TRDN: variants seen among roughly 807,000 people sequenced by gnomAD.
TRDN encodes the protein triadin.
A neutral mutation model predicts 149.7 loss-of-function variants in TRDN; 161 were observed. That is an observed-to-expected ratio of 1.08 (90% confidence interval 0.95 to 1.23). The LOEUF is 1.23. Ranked by LOEUF, TRDN falls within the 50% of genes most tolerant of loss-of-function variation. The pLI is 0.00. For missense variants in TRDN, 896 were observed against 823.5 expected (o/e 1.09, Z -1.08); for synonymous variants, 294 against 250.5 (o/e 1.17, Z -1.64).
intron 24 of TRDN, among the ~76,000 whole-genome samples, chr6:123,295,619 A>G (rs899076686): frequency 7.2e-5 from 11 of 152,186 alleles, no homozygotes; most frequent in African/African-American, 2.7e-4. Flanking sequence ...GACTCTTTCT[A>G]CAATGCATCC....
intron 24 of TRDN, among the ~76,000 whole-genome samples, chr6:123,302,083 T>TTA (rs888987160): frequency 6.9e-4 from 104 of 150,852 alleles, no homozygotes; most frequent in African/African-American, 2.3e-3. Context: ...ATATTATATT[T>TTA]TATATATATA....
At chr6:123,512,474 T>C in intron 6 of TRDN, 112 bp from the exon 7 acceptor site, 1 of 584,630 alleles carries the variant, frequency 1.7e-6, no homozygotes, top group South Asian at 2.5e-5. Flanking sequence ...ATTTTGAAAA[T>C]GTATGACATT....
intron 21 of TRDN, among the ~76,000 whole-genome samples, chr6:123,342,324 C>T (rs1370547045): frequency 2.0e-5 from 3 of 151,732 alleles, no homozygotes; most frequent in Admixed American, 6.6e-5. Flanking sequence ...ATCTTAGGGA[C>T]AGGGTTGGCT....
chr6:123,380,970 A>G (rs1207682266), intron 16 of TRDN, among the ~76,000 whole-genome samples: 2 of 152,166 alleles, frequency 1.3e-5, no homozygotes, highest in African/African-American at 4.8e-5. Context: ...TCTACAGATT[A>G]CAAAAAGAAA....
intron 5 of TRDN, among the ~76,000 whole-genome samples, chr6:123,525,091 T>C (rs1334262298): frequency 6.6e-6 from 1 of 152,126 alleles, no homozygotes; most frequent in African/African-American, 2.4e-5. Flanking sequence ...AGAACACTTA[T>C]ACACTGTTAA....
intron 9 of TRDN, among the ~76,000 whole-genome samples, chr6:123,468,110 A>T (rs1776941769): frequency 6.6e-6 from 1 of 152,216 alleles, no homozygotes; most frequent in African/African-American, 2.4e-5. Context: ...ATCTAATTTC[A>T]CAAGAAGATT....
At chr6:123,219,649 A>T (rs1775074713) in intron 40 of TRDN, among the ~76,000 whole-genome samples, 1 of 151,858 alleles carries the variant, frequency 6.6e-6, no homozygotes, top group African/African-American at 2.4e-5. Context: ...TTCCATTTCC[A>T]TGGGTCACTG....
chr6:123,254,569 GT>G (rs1776487798), intron 37 of TRDN, among the ~76,000 whole-genome samples: 1 of 151,902 alleles, frequency 6.6e-6, no homozygotes, highest in African/African-American at 2.4e-5. Context: ...GTTATTTACA[GT>G]TTTATGATAA....
At chr6:123,532,462 AAG>A (rs1780295822) in intron 4 of TRDN, among the ~76,000 whole-genome samples, 1 of 152,028 alleles carries the variant, frequency 6.6e-6, no homozygotes, top group African/African-American at 2.4e-5. Flanking sequence ...TTTCTTTGGA[AAG>A]CCTTAAAAAC....
chr6:123,337,888 C>T (rs936709105), intron 21 of TRDN, among the ~76,000 whole-genome samples: 6 of 152,056 alleles, frequency 3.9e-5, no homozygotes, highest in African/African-American at 1.4e-4. Flanking sequence ...CTAGTACAGA[C>T]TATGCCATAT....
chr6:123,440,802 T>C (rs898566512), intron 10 of TRDN: 11 of 152,216 alleles, frequency 7.2e-5, no homozygotes, highest in Non-Finnish European at 1.5e-4. Flanking sequence ...ATTCATTTAT[T>C]TTTCAATTTT....
intron 4 of TRDN, among the ~76,000 whole-genome samples, chr6:123,545,471 C>T (rs1781065060): frequency 6.6e-6 from 1 of 151,836 alleles, no homozygotes; most frequent in African/African-American, 2.4e-5. Context: ...AATAGATCTT[C>T]TTGAATTCAC....
At chr6:123,309,662 C>T (rs1778739988) in intron 24 of TRDN, among the ~76,000 whole-genome samples, 1 of 151,750 alleles carries the variant, frequency 6.6e-6, no homozygotes, top group Non-Finnish European at 1.5e-5. Flanking sequence ...TGGTCAGGTT[C>T]ACCTATACAT....
intron 21 of TRDN, among the ~76,000 whole-genome samples, chr6:123,347,462 G>T (rs1780298181): frequency 6.6e-6 from 1 of 151,780 alleles, no homozygotes; most frequent in Non-Finnish European, 1.5e-5. Flanking sequence ...CTTACTTAAA[G>T]CATTTTATGT....
At chr6:123,503,620 G>C (rs1172851575) in intron 8 of TRDN, 99 bp downstream of exon 8, 1 of 1,552,232 alleles carries the variant, frequency 6.4e-7, no homozygotes, top group South Asian at 1.2e-5. Context: ...CCCATTTGAA[G>C]TCTGATTTTG....
chr6:123,547,297 C>T, intron 4 of TRDN, 43 bp downstream of exon 4: 1 of 1,247,966 alleles, frequency 8.0e-7, no homozygotes, highest in Non-Finnish European at 1.1e-6. Context: ...CCAATATTAC[C>T]ATAAGAGAAA....
chr6:123,344,576 G>C (rs959021876), intron 21 of TRDN, among the ~76,000 whole-genome samples: 2 of 151,826 alleles, frequency 1.3e-5, no homozygotes, highest in African/African-American at 2.4e-5. Flanking sequence ...TATAATTTAA[G>C]GTTCTTCTAT....
intron 37 of TRDN, among the ~76,000 whole-genome samples, chr6:123,254,161 T>A (rs1421302909): frequency 6.6e-6 from 1 of 152,140 alleles, no homozygotes; most frequent in Non-Finnish European, 1.5e-5. Context: ...TCCTTCTGGC[T>A]GATTATCTCA....
chr6:123,352,904 G>T (rs1780521454), intron 20 of TRDN, among the ~76,000 whole-genome samples: 1 of 151,874 alleles, frequency 6.6e-6, no homozygotes, highest in East Asian at 1.9e-4. Context: ...TTGCATTCCA[G>T]GTTATTGCTG....
Sources: allele counts gnomAD v4.1 joint callset (sites outside exome capture counted in the v4.1 genomes callset), GRCh38; gene constraint gnomAD v4.1.1; transcripts MANE v1.5; gene names NCBI Gene and HGNC (gene_info 2026-07-23, HGNC 2026-07-21).